Variants in DDX42 observed in about 807,000 individuals in gnomAD.
DDX42 encodes the protein DEAD-box helicase 42.
A neutral mutation model predicts 101.5 loss-of-function variants in DDX42; 22 were observed. The observed-to-expected ratio is 0.22, with a 90% confidence interval of 0.15 to 0.31. DDX42 has a LOEUF of 0.31. Ranked by LOEUF, DDX42 falls within the 10% of genes least tolerant of loss-of-function variation. DDX42 has a pLI of 1.00. For synonymous variants in DDX42, 402 were observed against 401.2 expected, an observed-to-expected ratio of 1.00 and a Z score of -0.02; for missense variants, 849 against 1,199.9, an observed-to-expected ratio of 0.71 and a Z score of 4.32.
intron 17 of DDX42, chr17:63,817,378 A>T (rs1227757915): frequency 3.2e-6 from 1 of 316,260 alleles, no homozygotes; most frequent in East Asian, 5.9e-5. Context: ...GCAGTATGAA[A>T]ATTTTTTTTA....
At chr17:63,778,958 C>T (rs552784065) in intron 1 of DDX42, among the ~76,000 whole-genome samples, 66 of 152,058 alleles carry the variant, frequency 4.3e-4, no homozygotes, top group Middle Eastern at 3.4e-3. Flanking sequence ...GATGGAAAGG[C>T]GGGTATACGT....
intron 1 of DDX42, chr17:63,776,258 A>AAGT (rs1261562100): frequency 1.3e-5 from 2 of 152,258 alleles, no homozygotes; most frequent in Non-Finnish European, 2.9e-5. Context: ...CTTCCTTTAT[A>AAGT]AGTGTGTTCC....
rs143879099 is a variant in DDX42, at chr17:63,811,076, C to G, written c.1301C>G (p.Thr434Ser). The G allele has an allele frequency of 1.6e-5, 26 of 1,612,630 alleles. No individual in the cohort carries two copies. In the African/African-American group the frequency reaches 3.1e-4, roughly 19 times the overall value. ...IASHVRPDRQ[T>S]LLFSATFRKK... The stretch of plus-strand genomic sequence containing the variant: ...TAACAGAATTTATCTTACCTTTTAG[C>G]TCTCTTATTTAGTGCAACTTTTCGG... The change falls in exon 13 of 18, where the codon ACT (threonine) becomes AGT (serine). Residue 434 changes from threonine (T) to serine (S), a missense_variant and splice_region_variant. By Grantham distance (58) the Thr-to-Ser change is moderately conservative. Coordinates refer to ENST00000389924, the MANE Select transcript of DDX42 (RefSeq NM_203499.3).
intron 15 of DDX42, among the ~76,000 whole-genome samples, chr17:63,814,558 C>T (rs893216868): frequency 1.3e-5 from 2 of 152,072 alleles, no homozygotes; most frequent in African/African-American, 2.4e-5. Flanking sequence ...CTTTTTGTAC[C>T]TCAGGCTTTC....
chr17:63,804,281 A>G (rs2039811187), intron 6 of DDX42, among the ~76,000 whole-genome samples: 1 of 145,652 alleles, frequency 6.9e-6, no homozygotes, highest in East Asian at 1.9e-4. Context: ...CCTGTCTCTG[A>G]AAAAAAAAAT....
At chr17:63,785,544 G>C (rs980984014) in intron 1 of DDX42, among the ~76,000 whole-genome samples, 1 of 146,718 alleles carries the variant, frequency 6.8e-6, no homozygotes, top group East Asian at 2.0e-4. Context: ...AGAGGGGGGG[G>C]TCTCTTGAGG....
chr17:63,800,230 G>C, intron 5 of DDX42: 1 of 420,192 alleles, frequency 2.4e-6, no homozygotes, highest in East Asian at 4.0e-5. Flanking sequence ...AGACAGATTT[G>C]TAAGTCTTCT....
At chr17:63,793,009 C>T (rs901039553) in intron 3 of DDX42, among the ~76,000 whole-genome samples, 3 of 151,968 alleles carry the variant, frequency 2.0e-5, no homozygotes, top group East Asian at 3.9e-4. Context: ...CTCATGACCA[C>T]CTCCTTGAAA....
At chr17:63,792,308 A>G (rs1036423738) in intron 2 of DDX42, 104 bp from the exon 3 acceptor site, 10 of 1,277,480 alleles carry the variant, frequency 7.8e-6, no homozygotes, top group East Asian at 2.4e-5. Context: ...TCTGCATTAC[A>G]TCTCCTAATA....
chr17:63,774,684 C>G (rs912444859), intron 1 of DDX42: 1 of 152,398 alleles, frequency 6.6e-6, no homozygotes, highest in African/African-American at 2.4e-5. Context: ...GTGCCCGGCT[C>G]CAGGGCAGGA....
chr17:63,817,253 C>G (rs914312859), intron 17 of DDX42: 9 of 380,780 alleles, frequency 2.4e-5, no homozygotes, highest in South Asian at 4.0e-5. Flanking sequence ...TGAAGTGTTG[C>G]CCACCTCCCA....
intron 1 of DDX42, among the ~76,000 whole-genome samples, chr17:63,786,541 A>G (rs893559168): frequency 1.3e-5 from 2 of 151,558 alleles, no homozygotes; most frequent in African/African-American, 2.4e-5. Context: ...CTTCCTGCCT[A>G]AGCCTCCCAA....
In DDX42 at chr17:63,800,602, C is replaced by G; in HGVS notation, c.606C>G (p.Pro202=). The change falls in exon 6 of 18, where the codon CCC becomes CCG. Residue 202 remains proline, a synonymous_variant. Transcript: ENST00000389924. ...PTKKIIDPLP[P]IDHSEIDYPP... ...AAAAAATCATTGATCCTCTTCCCCC[C>G]ATTGATCATTCAGAGGTATGGTGTT... is the stretch of plus-strand genomic sequence containing the variant. The G allele has an allele frequency of 6.2e-7, 1 of 1,614,030 alleles. No individual in the cohort carries two copies. Among genetic ancestry groups the G allele is most frequent in the Non-Finnish European group, 8.5e-7 (1 of 1,179,952 alleles).
At chr17:63,797,906 G>C in intron 3 of DDX42, 132 bp from the exon 4 acceptor site, 1 of 747,626 alleles carries the variant, frequency 1.3e-6, no homozygotes, top group Non-Finnish European at 2.1e-6. Context: ...TTGTCAAAAT[G>C]CAATTTGATG....
intron 15 of DDX42, 65 bp downstream of exon 15, chr17:63,813,519 G>C: frequency 6.9e-7 from 1 of 1,441,374 alleles, no homozygotes; most frequent in Non-Finnish European, 9.6e-7. Flanking sequence ...AGCAGTCCTG[G>C]AACAGATAAC....
At chr17:63,775,322 A>G (rs2039406555) in intron 1 of DDX42, 1 of 152,336 alleles carries the variant, frequency 6.6e-6, no homozygotes, top group Non-Finnish European at 1.5e-5. Flanking sequence ...ATTGGTGCCT[A>G]TTCTCTAGCG....
chr17:63,813,002 C>G (rs1284464014), intron 14 of DDX42, among the ~76,000 whole-genome samples: 1 of 152,090 alleles, frequency 6.6e-6, no homozygotes, highest in Non-Finnish European at 1.5e-5. Flanking sequence ...TCCCGTCTGG[C>G]AACAGAGCAA....
chr17:63,809,505 A>C lies in DDX42; in HGVS notation c.1153-55A>C, dbSNP rs1687975619. On this transcript the variant is annotated intron_variant, in intron 10 of 17. Coordinates refer to ENST00000389924, the MANE Select transcript of DDX42 (RefSeq NM_203499.3). ...TTTGCCAGGAGTGCAACTGCTTAGA[A>C]AGTCCCTGTGAATGCCTTTAATTAT... 1.5e-5 allele frequency: 22 copies of C among 1,458,054 alleles called. 1 individual carries two copies. Among genetic ancestry groups the C allele is most frequent in the South Asian group, 9.1e-5 (8 of 87,510 alleles). The allele number at this position is 1,458,054 out of a possible 1,614,324, so 90.3% of individuals were successfully genotyped here. A position where few individuals can be genotyped will look rare whatever the true frequency, so the allele number is the denominator to read the frequency against.
chr17:63,813,271 T>C lies in DDX42; in HGVS notation c.1719T>C (p.Tyr573=). ...CTTCAATTAAGACTGTCATTAACTA[T>C]GATGTGGCACGAGACATTGATACCC... ...DIPSIKTVIN[Y]DVARDIDTHT... is the part of the protein sequence containing the mutation. Residue 573 remains tyrosine, a synonymous_variant, in exon 15 of 18, where the codon TAT becomes TAC. Coordinates refer to ENST00000389924, the MANE Select transcript of DDX42 (RefSeq NM_203499.3). 1.9e-6 allele frequency: 3 copies of C among 1,613,920 alleles called. No homozygotes were observed. Among genetic ancestry groups the C allele is most frequent in the Non-Finnish European group, 2.5e-6 (3 of 1,179,788 alleles).
Sources: allele counts gnomAD v4.1 joint callset (sites outside exome capture counted in the v4.1 genomes callset), GRCh38; gene constraint gnomAD v4.1.1; transcripts MANE v1.5; gene names NCBI Gene and HGNC (gene_info 2026-07-23, HGNC 2026-07-21).